Variants in RAD51B observed in about 807,000 individuals in gnomAD.
RAD51B encodes RAD51 paralog B.
A neutral mutation model predicts 42.2 loss-of-function variants in RAD51B; 38 were observed. The observed-to-expected ratio is 0.90, with a 90% confidence interval of 0.70 to 1.18. The LOEUF is 1.18. Ranked by LOEUF, RAD51B falls within the 50% of genes most tolerant of loss-of-function variation. RAD51B has a pLI of 0.00. For synonymous variants in RAD51B, 154 were observed against 145.2 expected, an observed-to-expected ratio of 1.06 and a Z score of -0.43; for missense variants, 373 against 400.7, an observed-to-expected ratio of 0.93 and a Z score of 0.59.
chr14:68,206,015 CATAGGATTAGGT>C, intron 7 of RAD51B, among the ~76,000 whole-genome samples: 1 of 152,196 alleles, frequency 6.6e-6, no homozygotes, highest in Non-Finnish European at 1.5e-5. Flanking sequence ...TAGGATCCAG[CATAGGATTAGGT>C]ATTGCCTTTA....
chr14:68,213,667 C>T (rs2079756651), intron 7 of RAD51B, among the ~76,000 whole-genome samples: 1 of 152,092 alleles, frequency 6.6e-6, no homozygotes, highest in East Asian at 1.9e-4. Context: ...TAGAATATAG[C>T]ATCATGGATC....
chr14:68,657,517 G>A (rs1392800314), intron 11 of RAD51B, among the ~76,000 whole-genome samples: 1 of 152,244 alleles, frequency 6.6e-6, no homozygotes, highest in Non-Finnish European at 1.5e-5. Context: ...AATATACTAA[G>A]TGAGCCTGGT....
chr14:68,658,448 G>T (rs1321607801), intron 11 of RAD51B, among the ~76,000 whole-genome samples: 2 of 152,270 alleles, frequency 1.3e-5, no homozygotes, highest in Non-Finnish European at 2.9e-5. Flanking sequence ...GAGCTGGCAA[G>T]TGCCAGGGCA....
chr14:67,922,366 G>A (rs549355706), intron 7 of RAD51B, among the ~76,000 whole-genome samples: 29 of 152,202 alleles, frequency 1.9e-4, no homozygotes, highest in African/African-American at 6.5e-4. Flanking sequence ...GGAAAAAGTG[G>A]AAAAATACCC....
chr14:67,869,199 A>G (rs1377835962), intron 5 of RAD51B, among the ~76,000 whole-genome samples: 1 of 152,208 alleles, frequency 6.6e-6, no homozygotes, highest in Non-Finnish European at 1.5e-5. Flanking sequence ...AAAAATTTAG[A>G]AGAATGTATA....
chr14:67,885,813 A>G, intron 5 of RAD51B, 56 bp from the exon 6 acceptor site: 2 of 1,536,520 alleles, frequency 1.3e-6, no homozygotes, highest in Non-Finnish European at 1.8e-6. Context: ...AGATTCAGCA[A>G]TGTGGCTTTA....
chr14:67,825,387 C>A, intron 2 of RAD51B, 77 bp from the exon 3 acceptor site: 1 of 916,010 alleles, frequency 1.1e-6, no homozygotes, highest in Non-Finnish European at 1.7e-6. Flanking sequence ...TAAGCAGTAT[C>A]AATTGAAGGT....
chr14:68,468,059 C>A (rs1330311960), intron 9 of RAD51B, 113 bp from the exon 10 acceptor site: 4 of 866,984 alleles, frequency 4.6e-6, no homozygotes, highest in Non-Finnish European at 5.7e-6. Context: ...TTTAAATAAG[C>A]CTTGTGACTT....
intron 7 of RAD51B, among the ~76,000 whole-genome samples, chr14:68,016,769 T>C (rs1192496675): frequency 6.6e-6 from 1 of 152,214 alleles, no homozygotes; most frequent in Non-Finnish European, 1.5e-5. Flanking sequence ...ATGTTTATCA[T>C]AGCATTAGTA....
intron 7 of RAD51B, among the ~76,000 whole-genome samples, chr14:68,198,317 A>G (rs1286229850): frequency 6.6e-6 from 1 of 151,816 alleles, no homozygotes; most frequent in African/African-American, 2.4e-5. Flanking sequence ...TCTTTACACC[A>G]CTCCTATGTT....
chr14:67,898,008 GTT>G (rs2043481906), intron 7 of RAD51B, among the ~76,000 whole-genome samples: 1 of 152,132 alleles, frequency 6.6e-6, no homozygotes, highest in African/African-American at 2.4e-5. Context: ...ATGGAAAACA[GTT>G]TGGAGGTTTC....
At chr14:68,466,014 G>A (rs569162836) in intron 9 of RAD51B, among the ~76,000 whole-genome samples, 104 of 151,708 alleles carry the variant, frequency 6.9e-4, no homozygotes, top group Non-Finnish European at 1.0e-3. Flanking sequence ...AACCATCTCC[G>A]AACTGTCTCA....
intron 7 of RAD51B, among the ~76,000 whole-genome samples, chr14:68,042,733 A>G (rs1033989718): frequency 6.6e-6 from 1 of 152,236 alleles, no homozygotes; most frequent in Non-Finnish European, 1.5e-5. Flanking sequence ...TATACACAAT[A>G]GAGAAGGTGA....
At chr14:68,583,717 T>TCACCACCCGAGGC (rs1453582477) in intron 10 of RAD51B, among the ~76,000 whole-genome samples, 1 of 152,150 alleles carries the variant, frequency 6.6e-6, no homozygotes, top group Non-Finnish European at 1.5e-5. Context: ...CCACCCCTGG[T>TCACCACCCGAGGC]CACCACCCGA....
chr14:68,288,662 T>A (rs1311317295), intron 7 of RAD51B, among the ~76,000 whole-genome samples: 1 of 152,256 alleles, frequency 6.6e-6, no homozygotes, highest in African/African-American at 2.4e-5. Flanking sequence ...AATATTTTAG[T>A]CAGTGCCTTG....
chr14:67,969,886 T>G (rs2074862786), intron 7 of RAD51B, among the ~76,000 whole-genome samples: 1 of 152,200 alleles, frequency 6.6e-6, no homozygotes, highest in African/African-American at 2.4e-5. Flanking sequence ...TTTCTTTTAC[T>G]ATATAAAACT....
rs575215658 is a variant in RAD51B at position 68,429,513 on chromosome 14, G to A, written c.957+17986G>A. Among the ~76,000 whole-genome samples, 30 of 152,332 alleles carry A rather than the reference G, an allele frequency of 2.0e-4. 1 individual carries two copies. In the South Asian group the frequency reaches 6.2e-3, roughly 32 times the overall value. ...CATTTCTCTGATGGCCAGTGGTAAT[G>A]AGCATTTTTTCACGTGTCTGTTGGC... On this transcript the variant is annotated intron_variant, in intron 9 of 10. Coordinates refer to ENST00000471583, the MANE Select transcript of RAD51B (RefSeq NM_133510.4).
chr14:67,976,292 A>G (rs189218488), intron 7 of RAD51B, among the ~76,000 whole-genome samples: 37 of 151,294 alleles, frequency 2.4e-4, no homozygotes, highest in African/African-American at 8.7e-4. Flanking sequence ...AATTTTTAAA[A>G]ATTTTCGTAG....
At chr14:68,408,316 G>A (rs544948096) in intron 8 of RAD51B, among the ~76,000 whole-genome samples, 1 of 152,312 alleles carries the variant, frequency 6.6e-6, no homozygotes, top group South Asian at 2.1e-4. Flanking sequence ...TAACTGGAGG[G>A]TCAAAGGAAG....
Sources: gnomAD v4.1 joint callset for allele counts (sites outside exome capture counted in the v4.1 genomes callset) on GRCh38, gnomAD v4.1.1 for gene constraint, MANE v1.5 for transcripts, NCBI Gene and HGNC (gene_info 2026-07-23, HGNC 2026-07-21) for gene names.